B3GLCT: variants seen among roughly 807,000 people sequenced by gnomAD.
B3GLCT encodes the protein beta 3-glucosyltransferase.
A neutral mutation model predicts 63.4 loss-of-function variants in B3GLCT; 65 were observed. The observed-to-expected ratio is 1.03, with a 90% CI of 0.84 to 1.26. The LOEUF is 1.26. B3GLCT is among the 50% of genes most tolerant of loss of function. The pLI, the probability that B3GLCT is intolerant of heterozygous loss-of-function variation, is 0.00. For synonymous variants in B3GLCT, 233 were observed against 219.2 expected (o/e 1.06, Z -0.55); for missense variants, 577 against 604.8 (o/e 0.95, Z 0.48).
chr13:31,266,857 A>G (rs1246225858), intron 7 of B3GLCT, among the ~76,000 whole-genome samples: 1 of 152,058 alleles, frequency 6.6e-6, no homozygotes, highest in Non-Finnish European at 1.5e-5. Flanking sequence ...TGCAACCTCT[A>G]CTTCCCGAGT....
intron 13 of B3GLCT, 78 bp downstream of exon 13, chr13:31,317,763 T>G (rs1451085744): frequency 6.4e-7 from 1 of 1,572,254 alleles, no homozygotes; most frequent in East Asian, 2.2e-5. Context: ...TCTCTGGCAC[T>G]GGGATCTATA....
At chr13:31,261,784 TG>T (rs1329703905) in intron 7 of B3GLCT, among the ~76,000 whole-genome samples, 1 of 152,214 alleles carries the variant, frequency 6.6e-6, no homozygotes, top group Non-Finnish European at 1.5e-5. Flanking sequence ...CTCTAGGATT[TG>T]GGGTCTTGAA....
At chr13:31,288,909 G>A (rs1873495420) in intron 12 of B3GLCT, among the ~76,000 whole-genome samples, 2 of 152,110 alleles carry the variant, frequency 1.3e-5, no homozygotes, top group South Asian at 4.2e-4. Context: ...AAGAATTCCT[G>A]AAATAACAGA....
At chr13:31,236,556 C>G (rs988244964) in intron 4 of B3GLCT, among the ~76,000 whole-genome samples, 1 of 152,130 alleles carries the variant, frequency 6.6e-6, no homozygotes, top group Non-Finnish European at 1.5e-5. Flanking sequence ...ATACGAAGGT[C>G]GGTTATTGTT....
At chr13:31,319,263 ACCT>A (rs1017014354) in intron 13 of B3GLCT, among the ~76,000 whole-genome samples, 3 of 151,694 alleles carry the variant, frequency 2.0e-5, no homozygotes, top group African/African-American at 7.3e-5. Flanking sequence ...ACTTCCCACC[ACCT>A]CTAGTTTTTC....
chr13:31,282,377 T>C lies in B3GLCT; in HGVS notation c.851-2271T>C, dbSNP rs1048575875. ...AGACAGGGCCGAGTGCGGTGGCTCATGCCTGTAATCCCAGCACTTTGGGAG... is the reference window on the plus strand; with the variant it reads ...AGACAGGGCCGAGTGCGGTGGCTCACGCCTGTAATCCCAGCACTTTGGGAG... On this transcript the variant is annotated intron_variant, in intron 10 of 14. Coordinates refer to ENST00000343307, the MANE Select transcript of B3GLCT (RefSeq NM_194318.4). 5.9e-5 allele frequency among the ~76,000 whole-genome samples: 9 copies of C among 152,246 alleles called. No homozygotes were observed. In the East Asian group the frequency reaches 9.7e-4, roughly 16 times the overall value.
chr13:31,260,232 T>C (rs1871960359), intron 6 of B3GLCT, among the ~76,000 whole-genome samples: 1 of 152,224 alleles, frequency 6.6e-6, no homozygotes. Flanking sequence ...GCTGGCTCTT[T>C]GATATTATTT....
intron 2 of B3GLCT, among the ~76,000 whole-genome samples, chr13:31,220,999 A>G (rs1016290860): frequency 6.6e-6 from 1 of 152,180 alleles, no homozygotes; most frequent in East Asian, 1.9e-4. Context: ...TTTTTAAAGC[A>G]TGCTTCCCGA....
At chr13:31,220,609 C>T (rs150935797) in intron 2 of B3GLCT, among the ~76,000 whole-genome samples, 28 of 152,290 alleles carry the variant, frequency 1.8e-4, no homozygotes, top group Non-Finnish European at 2.6e-4. Context: ...TTTTCTTTCT[C>T]ACAGGGGAAA....
At chr13:31,327,181 C>T (rs1448796740) in intron 14 of B3GLCT, among the ~76,000 whole-genome samples, 1 of 152,130 alleles carries the variant, frequency 6.6e-6, no homozygotes, top group Non-Finnish European at 1.5e-5. Context: ...AGAAAGTAGG[C>T]AGAGTAAGAG....
intron 12 of B3GLCT, among the ~76,000 whole-genome samples, chr13:31,290,984 A>G (rs1260985008): frequency 6.6e-6 from 1 of 152,136 alleles, no homozygotes; most frequent in Non-Finnish European, 1.5e-5. Context: ...TAGACTCTTT[A>G]TGGTTTTAGG....
At chr13:31,277,329 GT>G (rs1304370238) in intron 10 of B3GLCT, among the ~76,000 whole-genome samples, 1 of 151,650 alleles carries the variant, frequency 6.6e-6, no homozygotes, top group Non-Finnish European at 1.5e-5. Context: ...GCAGATTAAT[GT>G]TGTTTTTATT....
At chr13:31,310,051 T>G (rs1441494242) in intron 12 of B3GLCT, among the ~76,000 whole-genome samples, 1 of 152,070 alleles carries the variant, frequency 6.6e-6, no homozygotes, top group Non-Finnish European at 1.5e-5. Context: ...AACCCAACCT[T>G]CAAGCCAGGC....
chr13:31,214,183 C>A (rs563971246), intron 1 of B3GLCT, among the ~76,000 whole-genome samples: 1 of 152,336 alleles, frequency 6.6e-6, no homozygotes, highest in African/African-American at 2.4e-5. Flanking sequence ...CCTTTTAGTA[C>A]ATCACTGCCC....
chr13:31,299,157 A>T (rs990677812), intron 12 of B3GLCT, among the ~76,000 whole-genome samples: 1 of 152,228 alleles, frequency 6.6e-6, no homozygotes, highest in Non-Finnish European at 1.5e-5. Context: ...TCTAGTGGGC[A>T]GACTCCTTTA....
chr13:31,200,718 A>G (rs1868614747), intron 1 of B3GLCT, among the ~76,000 whole-genome samples: 1 of 151,928 alleles, frequency 6.6e-6, no homozygotes, highest in South Asian at 2.1e-4. Context: ...GCCCCTCCGC[A>G]GGGCCTTCGG....
At chr13:31,235,895 T>C (rs1448319840) in intron 4 of B3GLCT, among the ~76,000 whole-genome samples, 2 of 152,224 alleles carry the variant, frequency 1.3e-5, no homozygotes, top group Non-Finnish European at 2.9e-5. Flanking sequence ...TCTGGATTTC[T>C]CGAAGAGTGG....
At chr13:31,251,176 A>G (rs1871410644) in intron 6 of B3GLCT, among the ~76,000 whole-genome samples, 1 of 152,178 alleles carries the variant, frequency 6.6e-6, no homozygotes, top group Non-Finnish European at 1.5e-5. Flanking sequence ...CAACATCAAC[A>G]AAAAGGACGT....
intron 12 of B3GLCT, among the ~76,000 whole-genome samples, chr13:31,298,456 G>A (rs146565700): frequency 1.9e-3 from 285 of 152,320 alleles, no homozygotes; most frequent in African/African-American, 6.4e-3. Flanking sequence ...CAAAGCTGGA[G>A]CGGTCTTGGC....
Sources: gnomAD v4.1 joint callset for allele counts (sites outside exome capture counted in the v4.1 genomes callset) on GRCh38, gnomAD v4.1.1 for gene constraint, MANE v1.5 for transcripts, NCBI Gene and HGNC (gene_info 2026-07-23, HGNC 2026-07-21) for gene names.